CCSER1: variants seen among roughly 807,000 people sequenced by gnomAD.
CCSER1 encodes the protein coiled-coil serine rich protein 1.
CCSER1 carries 41 observed loss-of-function variants against 82.0 expected under a neutral mutation model. The observed-to-expected ratio is 0.50, with a 90% confidence interval of 0.39 to 0.65. The LOEUF is 0.65. Ranked by LOEUF, CCSER1 falls within the 30% of genes least tolerant of loss-of-function variation. The pLI is 0.00. For synonymous variants in CCSER1, 414 were observed against 383.9 expected (o/e 1.08, Z -0.92); for missense variants, 1,119 against 1,064.2 (o/e 1.05, Z -0.72).
intron 3 of CCSER1, among the ~76,000 whole-genome samples, chr4:90,330,678 T>G (rs1739117131): frequency 6.6e-6 from 1 of 152,140 alleles, no homozygotes; most frequent in South Asian, 2.1e-4. Flanking sequence ...CTAATAGCAT[T>G]TATCTCTCTA....
At chr4:91,004,558 A>G (rs568969052) in intron 9 of CCSER1, among the ~76,000 whole-genome samples, 11 of 152,340 alleles carry the variant, frequency 7.2e-5, no homozygotes, top group African/African-American at 2.6e-4. Flanking sequence ...GTGCATGGCA[A>G]ATGAAAAATA....
intron 6 of CCSER1, among the ~76,000 whole-genome samples, chr4:90,671,401 T>A (rs1732780479): frequency 6.6e-6 from 1 of 152,074 alleles, no homozygotes; most frequent in Non-Finnish European, 1.5e-5. Context: ...TTCTTGTCCT[T>A]TCAACAGTGT....
At chr4:90,557,568 T>C (rs1446042546) in intron 5 of CCSER1, among the ~76,000 whole-genome samples, 1 of 152,124 alleles carries the variant, frequency 6.6e-6, no homozygotes, top group Non-Finnish European at 1.5e-5. Context: ...TAGTGAATAC[T>C]GTAGGTATAT....
At chr4:90,437,979 C>T (rs539222888) in intron 4 of CCSER1, among the ~76,000 whole-genome samples, 3 of 152,044 alleles carry the variant, frequency 2.0e-5, no homozygotes, top group Non-Finnish European at 4.4e-5. Context: ...CTGGGTTTAC[C>T]ACTTAGTAGC....
intron 10 of CCSER1, among the ~76,000 whole-genome samples, chr4:91,176,855 T>C (rs1031160516): frequency 1.3e-5 from 2 of 152,184 alleles, no homozygotes; most frequent in African/African-American, 2.4e-5. Context: ...TCCAACACTA[T>C]GTTGAATAGA....
chr4:91,593,498 C>G (rs1203847750), intron 10 of CCSER1, among the ~76,000 whole-genome samples: 2 of 60,184 alleles, frequency 3.3e-5, no homozygotes, highest in African/African-American at 6.6e-5. Context: ...TTTTTTAGTA[C>G]AGACAGGGTT....
rs71596519 is a variant in CCSER1, at chr4:90,200,061, G to GACACACACACACACACACACAC, written c.-42+72241_-42+72262dup. On this transcript the variant is annotated intron_variant, in intron 1 of 10. Transcript: ENST00000509176. ...CCACTCCCTGACATGCGTGCACGCA[G>GACACACACACACACACACACAC]ACACACACACACACACACACACACA... Among the ~76,000 whole-genome samples the GACACACACACACACACACACAC allele has an allele frequency of 2.4e-4, 35 of 144,952 alleles. No homozygotes were observed. In the South Asian group the frequency reaches 4.7e-3, roughly 20 times the overall value.
Position 90,761,344 on chromosome 4 carries a change from A to G in CCSER1, c.2010+37353A>G, listed in dbSNP as rs1750386258. Among the ~76,000 whole-genome samples the G allele has an allele frequency of 2.0e-5, 3 of 152,268 alleles. No individual in the cohort carries two copies. The South Asian group carries it at 6.2e-4, about 32-fold the overall frequency. ...TCTTCATCTGATCACACTGCTTGGAATTTAAACAGGTGTTCTTTAAGTCTT... is the reference window on the plus strand; with the variant it reads ...TCTTCATCTGATCACACTGCTTGGAGTTTAAACAGGTGTTCTTTAAGTCTT... On this transcript the variant is annotated intron_variant, in intron 7 of 10. Transcript: ENST00000509176.
At chr4:91,185,394 C>T (rs1200190012) in intron 10 of CCSER1, among the ~76,000 whole-genome samples, 2 of 152,198 alleles carry the variant, frequency 1.3e-5, no homozygotes, top group African/African-American at 4.8e-5. Context: ...TAAACTTAAA[C>T]TAGACCTTCC....
intron 10 of CCSER1, among the ~76,000 whole-genome samples, chr4:91,214,608 A>T (rs1438281335): frequency 2.6e-5 from 4 of 152,326 alleles, no homozygotes; most frequent in African/African-American, 7.2e-5. Flanking sequence ...GTTCATGTTG[A>T]AACAACTCTG....
At chr4:90,539,250 C>T (rs1775797011) in intron 5 of CCSER1, among the ~76,000 whole-genome samples, 2 of 151,924 alleles carry the variant, frequency 1.3e-5, no homozygotes, top group Admixed American at 1.3e-4. Flanking sequence ...ATAGGTTTTA[C>T]AAAACTAACA....
At chr4:90,952,207 A>G (rs1732985794) in intron 9 of CCSER1, among the ~76,000 whole-genome samples, 1 of 152,102 alleles carries the variant, frequency 6.6e-6, no homozygotes, top group Non-Finnish European at 1.5e-5. Flanking sequence ...ATATCAAGTC[A>G]AACTATATGA....
chr4:90,514,746 C>T (rs531131111), intron 5 of CCSER1, among the ~76,000 whole-genome samples: 2 of 150,758 alleles, frequency 1.3e-5, no homozygotes, highest in East Asian at 1.9e-4. Context: ...ACAGAGGAGA[C>T]GCCGTTGCAA....
At chr4:90,868,490 A>G (rs1766025951) in intron 8 of CCSER1, among the ~76,000 whole-genome samples, 1 of 152,014 alleles carries the variant, frequency 6.6e-6, no homozygotes, top group Non-Finnish European at 1.5e-5. Context: ...ATTTAACATG[A>G]TGACCTCCAG....
chr4:91,070,568 G>A (rs2148765835), intron 9 of CCSER1, among the ~76,000 whole-genome samples: 1 of 152,250 alleles, frequency 6.6e-6, no homozygotes, highest in South Asian at 2.1e-4. Context: ...AGGCAAATGA[G>A]CATTACTGCC....
chr4:90,530,841 A>G (rs942331329), intron 5 of CCSER1, among the ~76,000 whole-genome samples: 22 of 152,090 alleles, frequency 1.4e-4, no homozygotes, highest in African/African-American at 4.8e-5. Context: ...TGCTAGTCAC[A>G]TGAAACTGCT....
intron 10 of CCSER1, among the ~76,000 whole-genome samples, chr4:91,591,952 TTAAA>T (rs1764290124): frequency 6.6e-6 from 1 of 152,156 alleles, no homozygotes; most frequent in African/African-American, 2.4e-5. Context: ...GAAAGATCTG[TTAAA>T]TAAGCCATTT....
intron 7 of CCSER1, among the ~76,000 whole-genome samples, chr4:90,809,342 GCA>G (rs1561174810): frequency 1.6e-4 from 20 of 128,376 alleles, no homozygotes; most frequent in Non-Finnish European, 2.6e-4. Flanking sequence ...ACACACACAC[GCA>G]CACACACAGC....
At chr4:91,516,583 T>C (rs1234589815) in intron 10 of CCSER1, among the ~76,000 whole-genome samples, 1 of 152,138 alleles carries the variant, frequency 6.6e-6, no homozygotes, top group African/African-American at 2.4e-5. Flanking sequence ...TTTTTTGTAT[T>C]GGTACTATAC....
Sources: allele counts gnomAD v4.1 joint callset (sites outside exome capture counted in the v4.1 genomes callset), GRCh38; gene constraint gnomAD v4.1.1; transcripts MANE v1.5; gene names NCBI Gene and HGNC (gene_info 2026-07-23, HGNC 2026-07-21).